Variants in ZNF385D observed in about 807,000 individuals in gnomAD.
ZNF385D encodes the protein zinc finger protein 659.
Under a neutral mutation model 35.8 loss-of-function variants are expected in ZNF385D, and 15 were observed. The ratio of observed to expected loss-of-function variants is 0.42; its 90% CI spans 0.28 to 0.64. ZNF385D has a LOEUF of 0.64. ZNF385D is among the 30% of genes least tolerant of loss of function. The pLI, the probability that ZNF385D is intolerant of heterozygous loss-of-function variation, is 0.23. For missense variants in ZNF385D, 474 were observed against 494.6 expected (o/e 0.96, Z 0.39); for synonymous variants, 212 against 186.8 (o/e 1.13, Z -1.10).
intron 3 of ZNF385D, among the ~76,000 whole-genome samples, chr3:21,938,409 A>T (rs1679245): frequency 6.6e-6 from 1 of 151,902 alleles, no homozygotes; most frequent in Admixed American, 6.6e-5. Flanking sequence ...AGGCGGGCAG[A>T]GATTGGAGAG....
chr3:21,720,275 T>C (rs915001787), intron 1 of ZNF385D, among the ~76,000 whole-genome samples: 1 of 152,152 alleles, frequency 6.6e-6, no homozygotes, highest in Non-Finnish European at 1.5e-5. Context: ...GAAATACAAA[T>C]TCTGGCCAGG....
At chr3:22,205,037 C>G (rs1368655755) in intron 2 of ZNF385D, among the ~76,000 whole-genome samples, 1 of 144,414 alleles carries the variant, frequency 6.9e-6, no homozygotes, top group Non-Finnish European at 1.5e-5. Context: ...GAACACCAAG[C>G]AGATTTAACC....
intron 3 of ZNF385D, among the ~76,000 whole-genome samples, chr3:21,764,279 T>C (rs111835222): frequency 2.0e-5 from 3 of 152,182 alleles, no homozygotes; most frequent in African/African-American, 7.2e-5. Flanking sequence ...GAGAGTGGTA[T>C]AGTATTAGTT....
In ZNF385D at chr3:21,689,124, T is replaced by C. The variant is rs552195454; in HGVS notation, c.23-24096A>G. Among the ~76,000 whole-genome samples the C allele has an allele frequency of 2.5e-4, 29 of 114,588 alleles. No individual in the cohort carries two copies. In the South Asian group the frequency reaches 7.7e-3, roughly 31 times the overall value. The allele number at this position is 114,588 out of a possible 152,430, so 75.2% of individuals were successfully genotyped here. ...GAATCATCTGTCCTGCCCCACCTTA[T>C]TGAAGCAAAAAAAAAAAAAAAAAAA... On this transcript the variant is annotated intron_variant, in intron 1 of 7. Transcript: ENST00000281523.
At chr3:22,233,920 T>C (rs1424273106) in intron 2 of ZNF385D, among the ~76,000 whole-genome samples, 1 of 152,092 alleles carries the variant, frequency 6.6e-6, no homozygotes, top group Admixed American at 6.6e-5. Context: ...TAATCATTCT[T>C]TCCTTTGTGA....
intron 3 of ZNF385D, among the ~76,000 whole-genome samples, chr3:21,786,712 A>T (rs2071702885): frequency 6.6e-6 from 1 of 152,206 alleles, no homozygotes. Context: ...CATAAAACCA[A>T]GTTGCATCTA....
chr3:22,183,383 C>A (rs557428472), intron 2 of ZNF385D, among the ~76,000 whole-genome samples: 1 of 152,164 alleles, frequency 6.6e-6, no homozygotes, highest in South Asian at 2.1e-4. Flanking sequence ...TGGAGTCTCA[C>A]TCTGTCGCCC....
chr3:21,508,814 C>G (rs937958628), intron 4 of ZNF385D, among the ~76,000 whole-genome samples: 1 of 152,138 alleles, frequency 6.6e-6, no homozygotes, highest in African/African-American at 2.4e-5. Context: ...GTTTTCTGGG[C>G]AGCCATTCTC....
rs532495922 is a variant in ZNF385D at position 21,440,747 on chromosome 3, A to G, written c.440-3544T>C. 5.9e-5 allele frequency among the ~76,000 whole-genome samples: 9 copies of G among 152,278 alleles called. No homozygotes were observed. The South Asian group carries it at 1.9e-3, about 32-fold the overall frequency. ...TAAAACTATTCTAGAGTTAAAGTTT[A>G]TTACTTTAAGAAAAACAGAATTATA... On this transcript the variant is annotated intron_variant, in intron 4 of 7. Coordinates refer to ENST00000281523, the MANE Select transcript of ZNF385D (RefSeq NM_024697.3).
chr3:21,516,399 C>G (rs895224015), intron 3 of ZNF385D, among the ~76,000 whole-genome samples: 1 of 151,992 alleles, frequency 6.6e-6, no homozygotes, highest in Non-Finnish European at 1.5e-5. Context: ...AAATAGCAGA[C>G]AAAGGAGAAT....
At chr3:21,604,875 GTTTA>G (rs2064430084) in intron 2 of ZNF385D, among the ~76,000 whole-genome samples, 1 of 152,136 alleles carries the variant, frequency 6.6e-6, no homozygotes, top group South Asian at 2.1e-4. Flanking sequence ...CTAGTTTTAT[GTTTA>G]TTTATTTGGC....
At chr3:21,845,625 C>T (rs868505252) in intron 3 of ZNF385D, among the ~76,000 whole-genome samples, 3 of 152,052 alleles carry the variant, frequency 2.0e-5, no homozygotes, top group Middle Eastern at 6.8e-3. Context: ...TTTTACAGTC[C>T]TGTAAGTTCT....
intron 3 of ZNF385D, among the ~76,000 whole-genome samples, chr3:22,143,385 T>C (rs1704650159): frequency 6.6e-6 from 1 of 152,108 alleles, no homozygotes; most frequent in South Asian, 2.1e-4. Context: ...AAATCGGGCA[T>C]GTGTTTTACG....
intron 3 of ZNF385D, among the ~76,000 whole-genome samples, chr3:21,899,083 T>G (rs1301776439): frequency 1.3e-5 from 2 of 152,098 alleles, no homozygotes; most frequent in Non-Finnish European, 2.9e-5. Flanking sequence ...TATTCCCCAG[T>G]TGGACATTTT....
At chr3:22,277,353 G>A (rs976967962) in intron 2 of ZNF385D, among the ~76,000 whole-genome samples, 6 of 152,086 alleles carry the variant, frequency 3.9e-5, no homozygotes, top group Admixed American at 2.6e-4. Flanking sequence ...CTGTACTGGT[G>A]AAGGAATGCT....
At chr3:21,753,947 T>C (rs1018888461), upstream of ZNF385D, among the ~76,000 whole-genome samples, 1 of 152,224 alleles carries the variant, frequency 6.6e-6, no homozygotes, top group Non-Finnish European at 1.5e-5. Flanking sequence ...TTTGTTTTTA[T>C]GTACCTGGCT....
chr3:22,260,630 A>G (rs1409513043), intron 2 of ZNF385D, among the ~76,000 whole-genome samples: 4 of 152,158 alleles, frequency 2.6e-5, no homozygotes, highest in African/African-American at 9.6e-5. Context: ...TCTACTTAAT[A>G]CTGTACAAAG....
intron 2 of ZNF385D, among the ~76,000 whole-genome samples, chr3:22,263,894 C>G (rs1253236544): frequency 2.0e-5 from 3 of 151,694 alleles, no homozygotes; most frequent in Non-Finnish European, 2.9e-5. Flanking sequence ...AATTTACTGA[C>G]AAAAAAGTCA....
At chr3:22,323,419 G>T (rs1015687862) in intron 2 of ZNF385D, among the ~76,000 whole-genome samples, 12 of 152,156 alleles carry the variant, frequency 7.9e-5, no homozygotes, top group African/African-American at 2.9e-4. Flanking sequence ...GGGAAAGAAG[G>T]AAGTGCTGGG....
Sources: allele counts gnomAD v4.1 joint callset (sites outside exome capture counted in the v4.1 genomes callset), GRCh38; gene constraint gnomAD v4.1.1; transcripts MANE v1.5; gene names NCBI Gene and HGNC (gene_info 2026-07-23, HGNC 2026-07-21).